The following SPHKAP variants were observed in gnomAD, a reference collection of about 807,000 sequenced individuals.
SPHKAP encodes the protein A-kinase anchor protein SPHKAP.
In SPHKAP, 67 loss-of-function variants were observed where a neutral mutation model predicts 137.5. The observed-to-expected ratio is 0.49, with a 90% CI of 0.40 to 0.60. SPHKAP has a LOEUF of 0.60. Among genes scored for constraint, SPHKAP ranks in the 20% least tolerant of loss-of-function variants. The probability of loss-of-function intolerance (pLI) is 0.00; values close to 1 mark genes in which losing one functional copy is unlikely to be tolerated. For synonymous variants in SPHKAP, 813 were observed against 785.3 expected (o/e 1.04, Z -0.59); for missense variants, 2,097 against 2,069.3 (o/e 1.01, Z -0.26).
intron 1 of SPHKAP, among the ~76,000 whole-genome samples, chr2:228,161,020 C>A (rs1700257777): frequency 6.6e-6 from 1 of 152,192 alleles, no homozygotes; most frequent in Non-Finnish European, 1.5e-5. Flanking sequence ...TTTCAACAAG[C>A]TCACAGTGAG....
chr2:228,061,663 G>C (rs961656894), intron 3 of SPHKAP, among the ~76,000 whole-genome samples: 1 of 151,702 alleles, frequency 6.6e-6, no homozygotes, highest in Admixed American at 6.6e-5. Context: ...TTCAAACAAA[G>C]ATTTTTGCTT....
intron 7 of SPHKAP, among the ~76,000 whole-genome samples, chr2:227,999,854 G>A (rs1389734819): frequency 1.3e-5 from 2 of 152,152 alleles, no homozygotes; most frequent in African/African-American, 4.8e-5. Flanking sequence ...TATCTTACAT[G>A]TCATCCACAG....
intron 7 of SPHKAP, chr2:227,995,929 A>T: frequency 1.0e-6 from 1 of 983,038 alleles, no homozygotes; most frequent in Non-Finnish European, 1.2e-6. Context: ...ACTCCCTCCA[A>T]TCATTTGAAA....
At chr2:228,168,778 G>A (rs146488082) in intron 1 of SPHKAP, among the ~76,000 whole-genome samples, 153 of 152,278 alleles carry the variant, frequency 1.0e-3, no homozygotes, top group African/African-American at 3.5e-3. Flanking sequence ...ATGATGAAGT[G>A]AGGAAGGGAT....
chr2:228,155,167 C>G (rs1489009362), intron 1 of SPHKAP, among the ~76,000 whole-genome samples: 1 of 151,948 alleles, frequency 6.6e-6, no homozygotes, highest in Non-Finnish European at 1.5e-5. Flanking sequence ...ACCAGTACAT[C>G]TGTTTAATGG....
chr2:228,012,865 A>G (rs528056966), intron 7 of SPHKAP, among the ~76,000 whole-genome samples: 5 of 152,376 alleles, frequency 3.3e-5, no homozygotes, highest in African/African-American at 9.6e-5. Flanking sequence ...TCAACTTATC[A>G]AGAAGTCCAA....
chr2:228,162,884 A>T (rs1700315397), intron 1 of SPHKAP, among the ~76,000 whole-genome samples: 1 of 152,108 alleles, frequency 6.6e-6, no homozygotes, highest in Non-Finnish European at 1.5e-5. Flanking sequence ...ATTTTAGTAG[A>T]GATGGGGTTT....
intron 1 of SPHKAP, among the ~76,000 whole-genome samples, chr2:228,174,663 C>G (rs1483654075): frequency 6.6e-6 from 1 of 152,054 alleles, no homozygotes; most frequent in East Asian, 1.9e-4. Context: ...AAATTACCAG[C>G]CCTGTTGAAA....
intron 2 of SPHKAP, among the ~76,000 whole-genome samples, chr2:228,113,570 G>T (rs1196608267): frequency 6.9e-6 from 1 of 145,072 alleles, no homozygotes; most frequent in Non-Finnish European, 1.5e-5. Context: ...CTCATTTTCA[G>T]CTTCTACCAA....
intron 1 of SPHKAP, among the ~76,000 whole-genome samples, chr2:228,144,783 G>T (rs1699722139): frequency 6.6e-6 from 1 of 152,068 alleles, no homozygotes; most frequent in Non-Finnish European, 1.5e-5. Flanking sequence ...TAATACATAG[G>T]TTACTGCTTT....
chr2:228,019,968 AG>A lies in SPHKAP; in HGVS notation c.885del (p.Leu296CysfsTer4). The A allele has an allele frequency of 1.2e-6, 2 of 1,614,212 alleles. No individual in the cohort carries two copies. Among genetic ancestry groups the A allele is most frequent in the East Asian group, 2.2e-5 (1 of 44,888 alleles). On this transcript the variant is annotated frameshift_variant, in exon 7 of 12. Coordinates refer to ENST00000392056, the MANE Select transcript of SPHKAP (RefSeq NM_001142644.2). LOFTEE classifies it high-confidence loss of function. Reference protein sequence around the residue: ...RSPENLTKNTALQSLDPSAKP... With the variant: ...RSPENLTKNTXLQSLDPSAKP... ...TTGGCTGAGGGATCTAGACTCTGCA[AG>A]GCTGTGTTCTTTGTTAGGTTTTCTG...
At chr2:228,102,517 A>G (rs532812638) in intron 3 of SPHKAP, among the ~76,000 whole-genome samples, 1 of 152,294 alleles carries the variant, frequency 6.6e-6, no homozygotes, top group South Asian at 2.1e-4. Context: ...TCTACCTACA[A>G]CCATAAGATC....
rs781418633 is a variant in SPHKAP, at chr2:228,148,609, C to T, written c.33-16524G>A. Among the ~76,000 whole-genome samples the T allele has an allele frequency of 1.4e-4, 21 of 152,078 alleles. 1 individual carries two copies. Among genetic ancestry groups the T allele is most frequent in the East Asian group, 1.9e-4 (1 of 5,164 alleles). On this transcript the variant is annotated intron_variant, in intron 1 of 11. Transcript: ENST00000392056. ...GGAATGGAAGAGGAGGCCCTGATCACGACTTGGCTTTATAATCCCCTGGAC... is the reference window on the plus strand; with the variant it reads ...GGAATGGAAGAGGAGGCCCTGATCATGACTTGGCTTTATAATCCCCTGGAC...
intron 3 of SPHKAP, among the ~76,000 whole-genome samples, chr2:228,081,278 C>T (rs1335335210): frequency 6.6e-6 from 1 of 152,204 alleles, no homozygotes; most frequent in Non-Finnish European, 1.5e-5. Context: ...TCTCTTTCCC[C>T]TCCAGCCTGC....
At chr2:228,065,071 C>G (rs892432062) in intron 3 of SPHKAP, among the ~76,000 whole-genome samples, 2 of 152,186 alleles carry the variant, frequency 1.3e-5, no homozygotes, top group Non-Finnish European at 2.9e-5. Flanking sequence ...GTTGATTTCT[C>G]CAAACTCAGG....
chr2:228,088,248 T>C (rs1441803011), intron 3 of SPHKAP, among the ~76,000 whole-genome samples: 1 of 152,182 alleles, frequency 6.6e-6, no homozygotes, highest in East Asian at 1.9e-4. Flanking sequence ...TACTGTTGAA[T>C]TTGGAATATA....
At chr2:228,066,645 A>T (rs1299459361) in intron 3 of SPHKAP, among the ~76,000 whole-genome samples, 1 of 152,182 alleles carries the variant, frequency 6.6e-6, no homozygotes, top group Non-Finnish European at 1.5e-5. Context: ...CCAGGGCTGT[A>T]ATGAGCACAA....
chr2:228,159,507 C>A (rs991671956), intron 1 of SPHKAP, among the ~76,000 whole-genome samples: 1 of 152,156 alleles, frequency 6.6e-6, no homozygotes, highest in East Asian at 1.9e-4. Flanking sequence ...TGCTATCTCC[C>A]TGCATGTTTG....
In SPHKAP at chr2:228,181,475, C is replaced by G; in HGVS notation, c.32+92G>C. On this transcript the variant is annotated intron_variant, in intron 1 of 11. Coordinates refer to ENST00000392056, the MANE Select transcript of SPHKAP (RefSeq NM_001142644.2). The surrounding 1 kb of genome is among the most constrained non-coding windows in gnomAD (Gnocchi z 4.3). ...TCCTCGCTGGGAGCCCCGTGCAAAC[C>G]GAAGCGCTCTGGGGCAAGTTGGTGA... is the stretch of plus-strand genomic sequence containing the variant. 14 of 1,584,404 alleles carry G rather than the reference C, an allele frequency of 8.8e-6. No homozygotes were observed. The highest frequency in any genetic ancestry group is 1.2e-5 in the Non-Finnish European group (14 of 1,153,258).
Sources: allele counts gnomAD v4.1 joint callset (sites outside exome capture counted in the v4.1 genomes callset), GRCh38; gene constraint gnomAD v4.1.1; non-coding constraint Gnocchi (gnomAD v3.1); transcripts MANE v1.5; gene names NCBI Gene and HGNC (gene_info 2026-07-23, HGNC 2026-07-21).